PIP4K2A: variants seen among roughly 807,000 people sequenced by gnomAD.
PIP4K2A encodes phosphatidylinositol 5-phosphate 4-kinase type-2 alpha.
PIP4K2A carries 14 observed loss-of-function variants against 42.9 expected under a neutral mutation model. The observed-to-expected ratio is 0.33, with a 90% CI of 0.22 to 0.51. The LOEUF is 0.51. Among genes scored for constraint, PIP4K2A ranks in the 20% least tolerant of loss-of-function variants. PIP4K2A has a pLI of 0.97. For missense variants in PIP4K2A, 434 were observed against 519.8 expected (o/e 0.83, Z 1.61); for synonymous variants, 192 against 192.2 (o/e 1.00, Z 0.01).
intron 1 of PIP4K2A, among the ~76,000 whole-genome samples, chr10:22,704,651 G>GAAAAA (rs113174364): frequency 1.6e-5 from 1 of 64,192 alleles, no homozygotes; most frequent in African/African-American, 5.6e-5. Context: ...GACCTCATCT[G>GAAAAA]AAAAAAAAAA....
intron 1 of PIP4K2A, among the ~76,000 whole-genome samples, chr10:22,641,506 A>G (rs1374528291): frequency 6.6e-6 from 1 of 151,954 alleles, no homozygotes; most frequent in African/African-American, 2.4e-5. Flanking sequence ...CAGTGGCACA[A>G]TCATAGCTCA....
chr10:22,700,750 G>C (rs1042928556), intron 1 of PIP4K2A, among the ~76,000 whole-genome samples: 2 of 152,126 alleles, frequency 1.3e-5, no homozygotes, highest in Admixed American at 1.3e-4. Context: ...CTTCCTCAAA[G>C]TCCAGGCTGA....
chr10:22,689,284 G>A (rs751159579), intron 1 of PIP4K2A, among the ~76,000 whole-genome samples: 10 of 151,798 alleles, frequency 6.6e-5, no homozygotes, highest in Non-Finnish European at 1.5e-4. Flanking sequence ...CCTGTACATT[G>A]AAAAATATTT....
intron 6 of PIP4K2A, among the ~76,000 whole-genome samples, chr10:22,559,682 T>A (rs1836638339): frequency 6.6e-6 from 1 of 152,190 alleles, no homozygotes; most frequent in African/African-American, 2.4e-5. Flanking sequence ...GCAATCACCT[T>A]AATCTATATC....
intron 3 of PIP4K2A, among the ~76,000 whole-genome samples, chr10:22,592,462 G>A (rs1377371027): frequency 1.3e-5 from 2 of 152,198 alleles, no homozygotes; most frequent in Non-Finnish European, 2.9e-5. Context: ...CTGGGAGAGT[G>A]TCTTCTAAAA....
In PIP4K2A at chr10:22,612,634, C is replaced by T. The variant is rs865874995; in HGVS notation, c.145-2917G>A. Among the ~76,000 whole-genome samples the T allele has an allele frequency of 4.6e-5, 7 of 152,222 alleles. No homozygotes were observed. The South Asian group carries it at 1.0e-3, about 23-fold the overall frequency. On this transcript the variant is annotated intron_variant, in intron 1 of 9. Transcript: ENST00000376573. ...AGAAACGAAAGAAGCAGAGAGACTC[C>T]GGCATGCTGAAGTGCTGAAATCTAT...
At chr10:22,591,861 T>C in intron 3 of PIP4K2A, 80 bp from the exon 4 acceptor site, 1 of 1,237,694 alleles carries the variant, frequency 8.1e-7, no homozygotes, top group East Asian at 2.6e-5. Flanking sequence ...TCCCAGATAA[T>C]TTGTCATCAT....
At chr10:22,664,190 TAC>T (rs1307416156) in intron 1 of PIP4K2A, among the ~76,000 whole-genome samples, 2 of 78,714 alleles carry the variant, frequency 2.5e-5, no homozygotes, top group East Asian at 2.7e-4. Flanking sequence ...TACATATATA[TAC>T]ATATATATAT....
chr10:22,637,057 T>C (rs1413550604), intron 1 of PIP4K2A, among the ~76,000 whole-genome samples: 2 of 152,178 alleles, frequency 1.3e-5, no homozygotes, highest in Admixed American at 6.5e-5. Flanking sequence ...TTAATAGCAA[T>C]AAACAAGTAC....
chr10:22,605,355 T>C (rs1837884043), intron 3 of PIP4K2A, among the ~76,000 whole-genome samples: 1 of 152,218 alleles, frequency 6.6e-6, no homozygotes, highest in African/African-American at 2.4e-5. Flanking sequence ...TAGTTACTTG[T>C]GAATCATCCT....
At chr10:22,624,561 T>TAA (rs58081159) in intron 1 of PIP4K2A, among the ~76,000 whole-genome samples, 4 of 152,102 alleles carry the variant, frequency 2.6e-5, no homozygotes, top group African/African-American at 9.7e-5. Context: ...GCAAGCACTT[T>TAA]AAAAAAAAGT....
intron 7 of PIP4K2A, among the ~76,000 whole-genome samples, chr10:22,549,072 ATACT>A (rs1836329731): frequency 6.6e-6 from 1 of 152,196 alleles, no homozygotes; most frequent in Non-Finnish European, 1.5e-5. Flanking sequence ...AAGAAAGTAG[ATACT>A]TACACCCTTC....
intron 1 of PIP4K2A, among the ~76,000 whole-genome samples, chr10:22,635,880 A>G (rs1428057660): frequency 1.3e-5 from 2 of 152,308 alleles, no homozygotes; most frequent in African/African-American, 4.8e-5. Flanking sequence ...AAAAACAGGA[A>G]ACGCAGAAAG....
intron 7 of PIP4K2A, among the ~76,000 whole-genome samples, chr10:22,542,921 C>T (rs1836159953): frequency 1.3e-5 from 2 of 152,166 alleles, no homozygotes. Flanking sequence ...TCCTGTTCCA[C>T]TCCGACCTTG....
chr10:22,699,141 C>G (rs1217059706), intron 1 of PIP4K2A, among the ~76,000 whole-genome samples: 1 of 152,016 alleles, frequency 6.6e-6, no homozygotes, highest in Admixed American at 6.6e-5. Flanking sequence ...CGCAACGTGC[C>G]AAAAAGAAAG....
At chr10:22,553,789 CT>C (rs3074629) in intron 6 of PIP4K2A, among the ~76,000 whole-genome samples, 8,381 of 118,420 alleles carry the variant, frequency 0.071, 501 homozygotes, top group African/African-American at 0.17. Context: ...GGTTGAAAAA[CT>C]TTTTTTTTTT....
chr10:22,566,401 G>A (rs1200361586), intron 6 of PIP4K2A, among the ~76,000 whole-genome samples: 1 of 152,136 alleles, frequency 6.6e-6, no homozygotes, highest in Non-Finnish European at 1.5e-5. Flanking sequence ...ATTTCAGGGA[G>A]TGGAATGAAC....
At chr10:22,609,956 G>A (rs1420960307) in intron 1 of PIP4K2A, among the ~76,000 whole-genome samples, 2 of 152,102 alleles carry the variant, frequency 1.3e-5, no homozygotes, top group Non-Finnish European at 2.9e-5. Context: ...GTGAGGGAGA[G>A]TCAATCCTCA....
chr10:22,689,911 A>G (rs1435218596), intron 1 of PIP4K2A, among the ~76,000 whole-genome samples: 1 of 152,222 alleles, frequency 6.6e-6, no homozygotes, highest in African/African-American at 2.4e-5. Context: ...GATGCACAAA[A>G]GCAAGGTCCC....
Sources: gnomAD v4.1 joint callset for allele counts (sites outside exome capture counted in the v4.1 genomes callset) on GRCh38, gnomAD v4.1.1 for gene constraint, MANE v1.5 for transcripts, NCBI Gene and HGNC (gene_info 2026-07-23, HGNC 2026-07-21) for gene names.